F13B: variants seen among roughly 807,000 people sequenced by gnomAD.
F13B encodes the protein coagulation factor XIII B chain.
A neutral mutation model predicts 79.8 loss-of-function variants in F13B; 58 were observed. The ratio of observed to expected loss-of-function variants is 0.73; its 90% CI spans 0.59 to 0.90. The LOEUF is 0.90. F13B is among the 40% of genes least tolerant of loss of function. The pLI, the probability that F13B is intolerant of heterozygous loss-of-function variation, is 0.00. For synonymous variants in F13B, 283 were observed against 260.3 expected (o/e 1.09, Z -0.84); for missense variants, 773 against 777.0 (o/e 0.99, Z 0.06).
intron 11 of F13B, 26 bp downstream of exon 11, chr1:197,040,496 C>T (rs1427236544): frequency 4.5e-6 from 7 of 1,542,392 alleles, no homozygotes; most frequent in African/African-American, 2.7e-5. Context: ...AAAAAATAAT[C>T]TGACCAAAAA....
chr1:197,057,306 G>A lies in F13B; in HGVS notation c.965C>T (p.Thr322Ile), dbSNP rs1478491925. 6.2e-7 allele frequency: 1 copy of A among 1,613,804 alleles called. No individual in the cohort carries two copies. The highest frequency in any genetic ancestry group is 8.5e-7 in the Non-Finnish European group (1 of 1,179,928). ...CTAACCAATGCATTTTGGAGGTTCTGTCCATTTTCCATCTTCACAACGTAT... is the reference window on the plus strand; with the variant it reads ...CTAACCAATGCATTTTGGAGGTTCTATCCATTTTCCATCTTCACAACGTAT... ...AEIRCEDGKW[T>I]EPPKCIEGQE... The change falls in exon 6 of 12, where the codon ACA becomes ATA. Residue 322 changes from threonine (T) to isoleucine (I), a missense_variant. Thr to Ile is a moderately conservative substitution (Grantham distance 89). Transcript: ENST00000367412.
chr1:197,050,766 G>T lies in F13B; in HGVS notation c.1669C>A (p.His557Asn). 6.2e-7 allele frequency: 1 copy of T among 1,613,358 alleles called. No homozygotes were observed. The highest frequency in any genetic ancestry group is 1.1e-5 in the South Asian group (1 of 91,080). Residue 557 changes from histidine to asparagine, a missense_variant, in exon 10 of 12, where the codon CAT (histidine) becomes AAT (asparagine). By Grantham distance (68) the His-to-Asn change is moderately conservative. Transcript: ENST00000367412. ...GCCTCCCTAGATCCTTCTAGGAAAT[G>T]GTGATCAAAACATCTGTATTCTACT... ...SSVEYRCFDH[H>N]FLEGSREAYC...
rs1655076030 is a variant in F13B, at chr1:197,042,595, G to T, written c.1739-1860C>A. On this transcript the variant is annotated intron_variant, in intron 10 of 11. Transcript: ENST00000367412. ...GCACTTTGGGAGGCCAAGGCGGGCG[G>T]ATCATCTGAGGTCAGGAGTTTGAGA... Among the ~76,000 whole-genome samples the T allele has an allele frequency of 5.4e-5, 8 of 148,866 alleles. No homozygotes were observed. In the South Asian group the frequency reaches 1.7e-3, roughly 32 times the overall value.
chr1:197,055,814 A>G lies in F13B; in HGVS notation c.1255T>C (p.Ser419Pro). The part of the protein sequence containing the change: ...DGILASYATG[S>P]SVEYRCNEYY... ...TCATTGCATCTATATTCCACTGAGGATCCTGTTGCATAGCTTGCCAATATC... is the reference window on the plus strand; with the variant it reads ...TCATTGCATCTATATTCCACTGAGGGTCCTGTTGCATAGCTTGCCAATATC... Residue 419 changes from serine to proline, a missense_variant, in exon 8 of 12, where the codon TCC becomes CCC. Physicochemically the swap from Ser to Pro is moderately conservative, Grantham distance 74. Coordinates refer to ENST00000367412, the MANE Select transcript of F13B (RefSeq NM_001994.3). The G allele has an allele frequency of 6.2e-7, 1 of 1,613,562 alleles. No homozygotes were observed. Among genetic ancestry groups the G allele is most frequent in the East Asian group, 2.2e-5 (1 of 44,858 alleles).
intron 5 of F13B, 34 bp downstream of exon 5, chr1:197,060,332 T>A (rs755311234): frequency 6.1e-5 from 94 of 1,540,006 alleles, no homozygotes; most frequent in Non-Finnish European, 7.3e-5. Flanking sequence ...GATAAAGACA[T>A]GGCATTTTGC....
chr1:197,061,504 G>A (rs1157110653), intron 3 of F13B, among the ~76,000 whole-genome samples: 1 of 152,004 alleles, frequency 6.6e-6, no homozygotes, highest in Admixed American at 6.6e-5. Context: ...AAAGGAAATA[G>A]TGACATATAA....
intron 10 of F13B, among the ~76,000 whole-genome samples, chr1:197,050,350 ATT>A (rs1655398663): frequency 6.6e-6 from 1 of 152,050 alleles, no homozygotes; most frequent in South Asian, 2.1e-4. Context: ...TTATTTCCGC[ATT>A]GTTTTCTATT....
chr1:197,041,631 G>A (rs1199270810), intron 10 of F13B, among the ~76,000 whole-genome samples: 1 of 151,994 alleles, frequency 6.6e-6, no homozygotes, highest in Non-Finnish European at 1.5e-5. Flanking sequence ...GCCTACAGGG[G>A]ATACATTTCA....
chr1:197,060,688 A>G, intron 4 of F13B, 146 bp from the exon 5 acceptor site: 1 of 734,344 alleles, frequency 1.4e-6, no homozygotes, highest in Non-Finnish European at 2.2e-6. Context: ...GTTAAATATC[A>G]TTAGGCTTAT....
chr1:197,039,329 G>T lies in F13B; in HGVS notation c.*49C>A. Reference sequence around the variant, plus strand: ...ATTTCCTCAAAATTATATTTTATAAGGAATTTCATGATGTATTGAAATATG... The same window carrying T: ...ATTTCCTCAAAATTATATTTTATAATGAATTTCATGATGTATTGAAATATG... On this transcript the variant is annotated 3_prime_UTR_variant, in exon 12 of 12. Transcript: ENST00000367412. 6.9e-7 allele frequency: 1 copy of T among 1,447,400 alleles called. No homozygotes were observed. Among genetic ancestry groups the T allele is most frequent in the South Asian group, 1.2e-5 (1 of 83,188 alleles). 89.7% of individuals were successfully genotyped at this position (1,447,400 alleles called of 1,614,324 possible).
rs776858936 is a variant in F13B at position 197,060,370 on chromosome 1, G to A, written c.801C>T (p.Cys267=). The A allele has an allele frequency of 1.8e-5, 29 of 1,609,606 alleles. No individual in the cohort carries two copies. Among genetic ancestry groups the A allele is most frequent in the Admixed American group, 1.2e-4 (7 of 59,878 alleles). Residue 267 remains cysteine (C), a synonymous_variant, in exon 5 of 12, where the codon TGC becomes TGT. Transcript: ENST00000367412. The part of the protein sequence containing the change: ...NFGWYPESPV[C]EGRRNRCPPP... ...GTATTAAATTTAAAAATTTACCTTCGCATACAGGAGATTCTGGGTACCAAC... is the reference window on the plus strand; with the variant it reads ...GTATTAAATTTAAAAATTTACCTTCACATACAGGAGATTCTGGGTACCAAC...
At chr1:197,058,972 G>C (rs1655746121) in intron 5 of F13B, among the ~76,000 whole-genome samples, 1 of 152,148 alleles carries the variant, frequency 6.6e-6, no homozygotes, top group Non-Finnish European at 1.5e-5. Context: ...GTAGCACTTT[G>C]AGAGGCTGAG....
At chr1:197,055,083 A>G (rs1355906227) in intron 8 of F13B, among the ~76,000 whole-genome samples, 1 of 152,042 alleles carries the variant, frequency 6.6e-6, no homozygotes, top group Non-Finnish European at 1.5e-5. Context: ...AACCATGTTT[A>G]CAATATATTT....
chr1:197,044,167 G>A (rs1446706723), intron 10 of F13B, among the ~76,000 whole-genome samples: 1 of 151,970 alleles, frequency 6.6e-6, no homozygotes, highest in African/African-American at 2.4e-5. Flanking sequence ...GTACACTCCT[G>A]ACCAAATACT....
At chr1:197,041,068 C>A (rs1655020995) in intron 10 of F13B, among the ~76,000 whole-genome samples, 1 of 152,098 alleles carries the variant, frequency 6.6e-6, no homozygotes, top group Non-Finnish European at 1.5e-5. Context: ...GAAGCATTGA[C>A]AGTTACTAAT....
intron 10 of F13B, among the ~76,000 whole-genome samples, chr1:197,045,297 A>G (rs2125056930): frequency 6.6e-6 from 1 of 152,346 alleles, no homozygotes; most frequent in East Asian, 1.9e-4. Context: ...GAGAAGAATC[A>G]AATAGATGCA....
intron 10 of F13B, among the ~76,000 whole-genome samples, chr1:197,041,685 T>C (rs1416284102): frequency 6.6e-6 from 1 of 152,192 alleles, no homozygotes; most frequent in Non-Finnish European, 1.5e-5. Context: ...TGCTAAACCC[T>C]GTTGTCATTC....
At position 197,039,281 on chromosome 1, in the gene F13B, A is replaced by G. The variant is rs1287710116; in HGVS notation, c.*97T>C. 9.5e-7 allele frequency: 1 copy of G among 1,055,656 alleles called. No homozygotes were observed. The allele number at this position is 1,055,656 out of a possible 1,614,324, so 65.4% of individuals were successfully genotyped here. ...TTTAGATTCAAATATTTAAGCAAGG[A>G]AAAACTCCGAAGTTTTTAACTTATT... On this transcript the variant is annotated 3_prime_UTR_variant, in exon 12 of 12. Transcript: ENST00000367412.
intron 9 of F13B, 56 bp downstream of exon 9, chr1:197,052,578 C>T (rs372004058): frequency 3.4e-5 from 40 of 1,170,620 alleles, no homozygotes; most frequent in Middle Eastern, 2.8e-4. Flanking sequence ...AATTTTCAAC[C>T]GAGGTAGCAG....
Sources: allele counts gnomAD v4.1 joint callset (sites outside exome capture counted in the v4.1 genomes callset), GRCh38; gene constraint gnomAD v4.1.1; transcripts MANE v1.5; gene names NCBI Gene and HGNC (gene_info 2026-07-23, HGNC 2026-07-21).